IMMP2L: variants seen among roughly 807,000 people sequenced by gnomAD.
IMMP2L encodes inner mitochondrial membrane peptidase subunit 2, also known as mitochondrial inner membrane protease subunit 2.
In IMMP2L, 18 loss-of-function variants were observed where a neutral mutation model predicts 19.3. That is an observed-to-expected ratio of 0.93 (90% CI 0.64 to 1.38). The LOEUF is 1.38. Among genes scored for constraint, IMMP2L ranks in the 40% most tolerant of loss-of-function variants. IMMP2L has a pLI of 0.00. For synonymous variants in IMMP2L, 76 were observed against 73.0 expected (o/e 1.04, Z -0.21); for missense variants, 233 against 218.2 (o/e 1.07, Z -0.43).
chr7:110,932,778 T>C (rs528498125), intron 4 of IMMP2L, among the ~76,000 whole-genome samples: 19 of 152,338 alleles, frequency 1.2e-4, no homozygotes, highest in Admixed American at 9.8e-4. Context: ...AATACTGAGG[T>C]ACTCCCTATG....
chr7:111,304,669 A>AGTGTGTGTGTGTGTGTGT (rs1304235836), intron 3 of IMMP2L, among the ~76,000 whole-genome samples: 2 of 60,624 alleles, frequency 3.3e-5, no homozygotes, highest in East Asian at 8.7e-4. Flanking sequence ...ACACATATAT[A>AGTGTGTGTGTGTGTGTGT]ATGTGTGTGT....
intron 5 of IMMP2L, 63 bp from the exon 6 acceptor site, chr7:110,663,784 T>C: frequency 3.4e-6 from 4 of 1,189,862 alleles, no homozygotes; most frequent in African/African-American, 1.6e-5. Flanking sequence ...TCATTATTAA[T>C]AGCTTGAAAG....
intron 5 of IMMP2L, among the ~76,000 whole-genome samples, chr7:110,847,845 C>T (rs568538823): frequency 2.6e-5 from 4 of 152,232 alleles, no homozygotes; most frequent in African/African-American, 9.6e-5. Flanking sequence ...AACAACAGGA[C>T]ATCCTTTTGC....
chr7:110,815,488 G>C (rs1584914938), intron 5 of IMMP2L, among the ~76,000 whole-genome samples: 1 of 152,270 alleles, frequency 6.6e-6, no homozygotes, highest in East Asian at 1.9e-4. Context: ...CATAAAATGA[G>C]TTAGGGAGGA....
At chr7:111,410,300 A>G (rs1834285628) in intron 3 of IMMP2L, among the ~76,000 whole-genome samples, 1 of 151,816 alleles carries the variant, frequency 6.6e-6, no homozygotes, top group Non-Finnish European at 1.5e-5. Flanking sequence ...ATCCTTGAAA[A>G]GCACAAAAAT....
chr7:110,950,921 T>C (rs904725850), intron 4 of IMMP2L, among the ~76,000 whole-genome samples: 1 of 148,534 alleles, frequency 6.7e-6, no homozygotes, highest in Non-Finnish European at 1.5e-5. Context: ...TATATATATA[T>C]ATGAACTTCA....
intron 3 of IMMP2L, among the ~76,000 whole-genome samples, chr7:111,299,310 A>G (rs1288950887): frequency 6.6e-6 from 1 of 152,200 alleles, no homozygotes; most frequent in Admixed American, 6.6e-5. Context: ...CTACATGAAC[A>G]TAGAACCGGC....
chr7:110,720,585 A>G (rs1795505160), intron 5 of IMMP2L, among the ~76,000 whole-genome samples: 1 of 152,192 alleles, frequency 6.6e-6, no homozygotes, highest in Admixed American at 6.6e-5. Flanking sequence ...ATACAATAAA[A>G]CAATTTAAAT....
At chr7:111,146,037 C>G (rs1235123891) in intron 3 of IMMP2L, among the ~76,000 whole-genome samples, 1 of 151,946 alleles carries the variant, frequency 6.6e-6, no homozygotes, top group Non-Finnish European at 1.5e-5. Flanking sequence ...TAAATTTTGT[C>G]TGAAGGTTAA....
At chr7:111,259,878 A>G (rs1353399508) in intron 3 of IMMP2L, among the ~76,000 whole-genome samples, 3 of 152,150 alleles carry the variant, frequency 2.0e-5, no homozygotes, top group Non-Finnish European at 4.4e-5. Context: ...ACTAAGACAC[A>G]AACACACAAA....
At chr7:111,451,456 G>C (rs575701183) in intron 3 of IMMP2L, among the ~76,000 whole-genome samples, 1,937 of 146,936 alleles carry the variant, frequency 0.013, 38 homozygotes, top group African/African-American at 0.046. Flanking sequence ...GTAAACTATC[G>C]CAAGAACAAA....
intron 4 of IMMP2L, among the ~76,000 whole-genome samples, chr7:110,926,753 C>T (rs1350273026): frequency 6.6e-6 from 1 of 152,128 alleles, no homozygotes; most frequent in African/African-American, 2.4e-5. Context: ...CTATAATAAA[C>T]ATCTCTATGA....
chr7:111,295,359 A>G (rs762337845), intron 3 of IMMP2L, among the ~76,000 whole-genome samples: 3 of 151,912 alleles, frequency 2.0e-5, no homozygotes, highest in Non-Finnish European at 4.4e-5. Flanking sequence ...GTAAGTTGGC[A>G]AAACACATAT....
intron 5 of IMMP2L, among the ~76,000 whole-genome samples, chr7:110,766,524 C>T (rs1189734547): frequency 6.9e-6 from 1 of 145,564 alleles, no homozygotes; most frequent in African/African-American, 2.6e-5. Context: ...CCCAGGAGGC[C>T]GTAAGCCGAG....
intron 3 of IMMP2L, among the ~76,000 whole-genome samples, chr7:110,965,077 A>G (rs1585482730): frequency 6.6e-6 from 1 of 152,062 alleles, no homozygotes; most frequent in East Asian, 1.9e-4. Context: ...AAGATGCTAG[A>G]CATTGGGGTA....
At chr7:110,788,116 AT>A (rs1226331460) in intron 5 of IMMP2L, among the ~76,000 whole-genome samples, 6 of 151,990 alleles carry the variant, frequency 3.9e-5, no homozygotes, top group Non-Finnish European at 8.8e-5. Flanking sequence ...CTAAAAAAAA[AT>A]AACACCCTCC....
chr7:111,351,252 G>A (rs868407755), intron 3 of IMMP2L, among the ~76,000 whole-genome samples: 6 of 152,052 alleles, frequency 3.9e-5, no homozygotes, highest in South Asian at 4.1e-4. Flanking sequence ...GTGCAGTGGC[G>A]CAATCTCTGC....
At chr7:111,434,312 G>A (rs1836916193) in intron 3 of IMMP2L, among the ~76,000 whole-genome samples, 1 of 151,686 alleles carries the variant, frequency 6.6e-6, no homozygotes, top group African/African-American at 2.4e-5. Flanking sequence ...ATTAGGCAAT[G>A]ATTTTATGAC....
intron 5 of IMMP2L, among the ~76,000 whole-genome samples, chr7:110,878,768 A>G (rs1419152849): frequency 6.6e-6 from 1 of 152,140 alleles, no homozygotes; most frequent in Non-Finnish European, 1.5e-5. Context: ...TATATATGTA[A>G]TTTAACGCTT....
Sources: allele counts gnomAD v4.1 joint callset (sites outside exome capture counted in the v4.1 genomes callset), GRCh38; gene constraint gnomAD v4.1.1; transcripts MANE v1.5; gene names NCBI Gene and HGNC (gene_info 2026-07-23, HGNC 2026-07-21).